Variants in RARB observed in about 807,000 individuals in gnomAD.
RARB encodes HBV-activated protein.
A neutral mutation model predicts 51.9 loss-of-function variants in RARB; 17 were observed. The observed-to-expected ratio is 0.33, with a 90% CI of 0.22 to 0.49. The LOEUF is 0.49. Ranked by LOEUF, RARB falls within the 20% of genes least tolerant of loss-of-function variation. The probability of loss-of-function intolerance (pLI) is 0.99; values close to 1 mark genes in which losing one functional copy is unlikely to be tolerated. For missense variants in RARB, 369 were observed against 550.8 expected (o/e 0.67, Z 3.30); for synonymous variants, 215 against 195.4 (o/e 1.10, Z -0.84).
chr3:24,867,395 A>G (rs187092609), intron 2 of RARB, among the ~76,000 whole-genome samples: 1 of 152,182 alleles, frequency 6.6e-6, no homozygotes, highest in Non-Finnish European at 1.5e-5. Flanking sequence ...TTTTCTCACT[A>G]TTAATAATTT....
rs889147465 is a variant in RARB at position 25,306,503 on chromosome 3, A to T, written c.178+131928A>T. Among the ~76,000 whole-genome samples, 3 of 142,560 alleles carry T rather than the reference A, an allele frequency of 2.1e-5. No homozygotes were observed. The Admixed American group carries it at 2.1e-4, about 10-fold the overall frequency. The allele number at this position is 142,560 out of a possible 152,430, so 93.5% of individuals were successfully genotyped here. On this transcript the variant is annotated intron_variant, in intron 5 of 11. Coordinates refer to the RARB transcript ENST00000383772. ...AAAAACCAGGAATTATTCATTCTTT[A>T]AAAAAAAAAAAGACTTAGAAGAAAA... is the stretch of plus-strand genomic sequence containing the variant.
intron 5 of RARB, among the ~76,000 whole-genome samples, chr3:25,177,718 A>G (rs1011383702): frequency 3.3e-5 from 5 of 152,150 alleles, no homozygotes; most frequent in Non-Finnish European, 7.3e-5. Flanking sequence ...CTAGACCTGA[A>G]CCTGAGCTCT....
At chr3:25,105,335 G>C (rs1356937034) in intron 3 of RARB, among the ~76,000 whole-genome samples, 1 of 142,750 alleles carries the variant, frequency 7.0e-6, no homozygotes, top group East Asian at 2.2e-4. Context: ...ATAGTAAAAA[G>C]ATAGTAAAAC....
intron 2 of RARB, among the ~76,000 whole-genome samples, chr3:25,054,902 C>T (rs1698406659): frequency 6.6e-6 from 1 of 152,112 alleles, no homozygotes; most frequent in Non-Finnish European, 1.5e-5. Flanking sequence ...AATTGAATTC[C>T]ACTTCCTACA....
intron 3 of RARB, among the ~76,000 whole-genome samples, chr3:25,094,618 T>A (rs1413227815): frequency 6.9e-6 from 1 of 144,424 alleles, no homozygotes; most frequent in East Asian, 2.1e-4. Flanking sequence ...TTCAGGAGGC[T>A]TAGGGAGAGG....
chr3:25,116,535 G>A (rs1699691053), intron 3 of RARB, among the ~76,000 whole-genome samples: 1 of 152,084 alleles, frequency 6.6e-6, no homozygotes, highest in Non-Finnish European at 1.5e-5. Flanking sequence ...GGAGGTCTAT[G>A]ATGCTGTCTT....
chr3:24,979,067 T>C (rs546079940), intron 2 of RARB, among the ~76,000 whole-genome samples: 17 of 152,186 alleles, frequency 1.1e-4, no homozygotes, highest in Non-Finnish European at 2.1e-4. Context: ...TGGTTTTGAG[T>C]GAGTTTCTTA....
chr3:25,354,879 A>C (rs1322491839), intron 5 of RARB, among the ~76,000 whole-genome samples: 2 of 63,208 alleles, frequency 3.2e-5, no homozygotes, highest in Non-Finnish European at 5.8e-5. Context: ...TTGTTTGCAA[A>C]GTCTTTTTTT....
At chr3:25,218,733 T>C (rs769012068) in intron 5 of RARB, among the ~76,000 whole-genome samples, 20 of 152,190 alleles carry the variant, frequency 1.3e-4, no homozygotes, top group African/African-American at 4.1e-4. Flanking sequence ...GTGATCCTTA[T>C]GATAATCCTG....
In RARB at chr3:25,596,766, T is replaced by A; in HGVS notation, c.*150T>A. 1 of 583,628 alleles carries A rather than the reference T, an allele frequency of 1.7e-6. No homozygotes were observed. Among genetic ancestry groups the A allele is most frequent in the Non-Finnish European group, 2.8e-6 (1 of 353,642 alleles). 36.2% of individuals were successfully genotyped at this position (583,628 alleles called of 1,614,324 possible). A position where few individuals can be genotyped will look rare whatever the true frequency, so the allele number is the denominator to read the frequency against. On this transcript the variant is annotated 3_prime_UTR_variant, in exon 8 of 8. Transcript: ENST00000330688. ...CAAGAAGTTTTCATATGTATCAATA[T>A]ATATACTCCTCACTGTGTAACTTAC...
At chr3:24,979,925 C>T (rs2125424603) in intron 2 of RARB, among the ~76,000 whole-genome samples, 1 of 151,782 alleles carries the variant, frequency 6.6e-6, no homozygotes, top group South Asian at 2.1e-4. Flanking sequence ...TTCTTTATTT[C>T]CACATGCTTC....
chr3:25,071,977 T>C (rs2125308829), intron 3 of RARB, among the ~76,000 whole-genome samples: 1 of 152,356 alleles, frequency 6.6e-6, no homozygotes, highest in Non-Finnish European at 1.5e-5. Flanking sequence ...TACCTACAAG[T>C]GGCATACACT....
chr3:25,055,650 G>A (rs761418121), intron 2 of RARB, among the ~76,000 whole-genome samples: 14 of 152,062 alleles, frequency 9.2e-5, no homozygotes, highest in Non-Finnish European at 1.9e-4. Flanking sequence ...AGGAGGAATT[G>A]GGGAGGAGTG....
In RARB at chr3:25,558,661, C is replaced by A. The variant is rs139070851; in HGVS notation, c.449-11097C>A. On this transcript the variant is annotated intron_variant, in intron 3 of 7. Coordinates refer to ENST00000330688, the MANE Select transcript of RARB (RefSeq NM_000965.5). ...TTTGGAGGTGCTCTCTTGCCAAATC[C>A]ACAATGCCATTGCTCTGACAGCCTC... Among the ~76,000 whole-genome samples the A allele has an allele frequency of 3.3e-5, 5 of 151,952 alleles. No individual in the cohort carries two copies. The East Asian group carries it at 9.7e-4, about 30-fold the overall frequency.
chr3:25,036,855 C>T (rs374458794), intron 2 of RARB, among the ~76,000 whole-genome samples: 6 of 152,256 alleles, frequency 3.9e-5, no homozygotes, highest in African/African-American at 1.4e-4. Flanking sequence ...TCTTTGGCAC[C>T]TTGTCCCAGA....
At chr3:25,238,283 C>G (rs1702351127) in intron 5 of RARB, among the ~76,000 whole-genome samples, 1 of 152,064 alleles carries the variant, frequency 6.6e-6, no homozygotes, top group African/African-American at 2.4e-5. Flanking sequence ...GCTTATTTCA[C>G]TTAACATAAG....
intron 2 of RARB, among the ~76,000 whole-genome samples, chr3:25,056,065 C>T (rs1698435422): frequency 6.6e-6 from 1 of 152,080 alleles, no homozygotes; most frequent in African/African-American, 2.4e-5. Flanking sequence ...GGAAACATGC[C>T]CAACTCTTAG....
rs188836698 is a variant in RARB, at chr3:25,178,737, G to T, written c.178+4162G>T. Among the ~76,000 whole-genome samples the T allele has an allele frequency of 4.2e-3, 634 of 152,292 alleles. 3 individuals carry two copies. Among genetic ancestry groups the T allele is most frequent in the African/African-American group, 0.015 (603 of 41,558 alleles). On this transcript the variant is annotated intron_variant, in intron 5 of 11. Transcript: ENST00000383772. Reference sequence around the variant, plus strand: ...CACTATCAGTTTTCGTCACAATGGAGACTTGAGAGAGTGCCGCCGTACTGC... The same window carrying T: ...CACTATCAGTTTTCGTCACAATGGATACTTGAGAGAGTGCCGCCGTACTGC...
At chr3:25,348,241 C>G (rs1705454431) in intron 5 of RARB, among the ~76,000 whole-genome samples, 1 of 151,884 alleles carries the variant, frequency 6.6e-6, no homozygotes, top group Admixed American at 6.6e-5. Flanking sequence ...TTCTTTTAAA[C>G]TATATAAAAA....
Sources: gnomAD v4.1 joint callset for allele counts (sites outside exome capture counted in the v4.1 genomes callset) on GRCh38, gnomAD v4.1.1 for gene constraint, MANE v1.5 for transcripts, NCBI Gene and HGNC (gene_info 2026-07-23, HGNC 2026-07-21) for gene names.